Variants in PLCD1 observed in about 807,000 individuals in gnomAD.
The protein encoded by PLCD1 is 1-phosphatidylinositol 4,5-bisphosphate phosphodiesterase delta-1.
Under a neutral mutation model 87.4 loss-of-function variants are expected in PLCD1, and 71 were observed. That is an observed-to-expected ratio of 0.81 (90% CI 0.67 to 0.99). The LOEUF (loss-of-function observed/expected upper bound fraction) is 0.99. Ranked by LOEUF, PLCD1 falls within the 50% of genes least tolerant of loss-of-function variation. PLCD1 has a pLI of 0.00. For synonymous variants in PLCD1, 348 were observed against 399.2 expected (o/e 0.87, Z 1.53); for missense variants, 867 against 1,001.5 (o/e 0.87, Z 1.81).
chr3:38,007,638 C>CACT lies in PLCD1; in HGVS notation c.*132_*134dup, dbSNP rs1699980384. On this transcript the variant is annotated 3_prime_UTR_variant, in exon 15 of 15. Transcript: ENST00000334661. ...TGGTCCCCAGGGAGGCAGCAGCAGA[C>CACT]ACTATGTTAGGGCTGAAGGCAATTT... The CACT allele has an allele frequency of 1.4e-6, 1 of 734,138 alleles. No homozygotes were observed. The highest frequency in any genetic ancestry group is 1.7e-5 in the African/African-American group (1 of 57,770). The allele number at this position is 734,138 out of a possible 1,614,324, so 45.5% of individuals were successfully genotyped here.
At chr3:38,012,516 GT>G (rs1207854387) in intron 3 of PLCD1, among the ~76,000 whole-genome samples, 3,602 of 134,584 alleles carry the variant, frequency 0.027, 38 homozygotes, top group African/African-American at 0.055. Context: ...TTAGAATGAA[GT>G]TTTTTTTTTT....
At chr3:38,012,122 G>T (rs1338554148) in intron 3 of PLCD1, among the ~76,000 whole-genome samples, 1 of 146,038 alleles carries the variant, frequency 6.8e-6, no homozygotes, top group Non-Finnish European at 1.5e-5. Flanking sequence ...AGACCTCTCA[G>T]GCTCAAGTGA....
At chr3:38,029,435 C>T in intron 1 of PLCD1, 71 bp downstream of exon 1, 1 of 1,394,360 alleles carries the variant, frequency 7.2e-7, no homozygotes, top group East Asian at 2.5e-5. Flanking sequence ...GGCTCCCTGT[C>T]CAGGGCCCGG....
intron 1 of PLCD1, 64 bp downstream of exon 1, chr3:38,029,442 C>T (rs939651972): frequency 6.9e-7 from 1 of 1,447,212 alleles, no homozygotes; most frequent in Non-Finnish European, 9.4e-7. Flanking sequence ...TGTCCAGGGC[C>T]CGGAACAGCT....
intron 1 of PLCD1, among the ~76,000 whole-genome samples, chr3:38,023,011 A>G (rs377482260): frequency 1.5e-4 from 23 of 152,060 alleles, no homozygotes; most frequent in African/African-American, 5.3e-4. Flanking sequence ...CGTGGCGAGG[A>G]GACTTTGAGC....
chr3:38,014,639 C>A (rs1184855876), intron 3 of PLCD1: 1 of 153,570 alleles, frequency 6.5e-6, no homozygotes, highest in Non-Finnish European at 1.5e-5. Flanking sequence ...GTTCCTTCTC[C>A]ACTCTCACTG....
chr3:38,012,025 CCTTTT>C (rs1300631268), intron 3 of PLCD1, among the ~76,000 whole-genome samples: 1 of 141,444 alleles, frequency 7.1e-6, no homozygotes, highest in Admixed American at 6.8e-5. Flanking sequence ...TTCTGGTTTT[CCTTTT>C]CTTTTTTTTT....
rs766195147 is a variant in PLCD1 at position 38,016,578 on chromosome 3, G to A, written c.341C>T (p.Ser114Leu). Residue 114 changes from serine to leucine, a missense_variant, in exon 3 of 15, where the codon TCG (serine) becomes TTG (leucine). Physicochemically the swap from Ser to Leu is moderately radical, Grantham distance 145 (BLOSUM62 -2). Transcript: ENST00000334661. ...CACCCAGTGCTGGGCATCAGCTGGC[G>A]ATGGGGCGATGAGGTCTAGTGTATT... ...QRNTLDLIAP[S>L]PADAQHWVLG... The A allele has an allele frequency of 4.7e-5, 76 of 1,613,852 alleles. No homozygotes were observed. The Admixed American group carries it at 1.2e-3, about 24-fold the overall frequency.
Position 38,010,001 on chromosome 3 carries a change from T to C in PLCD1, c.1190A>G (p.Gln397Arg). 6.2e-7 allele frequency: 1 copy of C among 1,614,124 alleles called. No homozygotes were observed. The highest frequency in any genetic ancestry group is 8.5e-7 in the Non-Finnish European group (1 of 1,179,968). The change falls in exon 8 of 15, where the codon CAG (glutamine) becomes CGG (arginine). Residue 397 changes from glutamine to arginine, a missense_variant. Physicochemically the swap from Gln to Arg is conservative, Grantham distance 43 (BLOSUM62 1). Coordinates refer to ENST00000334661, the MANE Select transcript of PLCD1 (RefSeq NM_006225.4). ...CAGGTGCCGCGCCATCACGCGCTGC[T>C]GCTCCAGTGTGCAGTGGTTCTCCAG... ...LSLENHCTLE[Q>R]QRVMARHLHA... is the part of the protein sequence containing the mutation.
chr3:38,024,326 G>C (rs1226055681), intron 1 of PLCD1: 1 of 1,610,900 alleles, frequency 6.2e-7, no homozygotes, highest in Non-Finnish European at 8.5e-7. Context: ...GGAGTGCTCT[G>C]CGCCCCTTAC....
chr3:38,029,552 G>GCGCGGCGGGAGGGGCAC lies in PLCD1; in HGVS notation c.-30_-14dup, dbSNP rs1186955624. 3.3e-6 allele frequency: 5 copies of GCGCGGCGGGAGGGGCAC among 1,536,874 alleles called. No homozygotes were observed. In the East Asian group the frequency reaches 9.8e-5, roughly 30 times the overall value. ...GGCCCGAGTCCATGCCCGACGGGCG[G>GCGCGGCGGGAGGGGCAC]CGCGGCGGGAGGGGCACCGCGGGAC... On this transcript the variant is annotated 5_prime_UTR_variant, in exon 1 of 15. Transcript: ENST00000334661.
chr3:38,008,013 C>T lies in PLCD1; in HGVS notation c.2185+1G>A. The T allele has an allele frequency of 6.2e-7, 1 of 1,614,214 alleles. No individual in the cohort carries two copies. The highest frequency in any genetic ancestry group is 8.5e-7 in the Non-Finnish European group (1 of 1,180,036). ...GGCCATCCCCTTCTCTTGACACTCA[C>T]CTTGCTTGAGGCTGTTCAAGGGGAT... On this transcript the variant is annotated splice_donor_variant, in intron 14 of 14. Transcript: ENST00000334661. LOFTEE classifies it high-confidence loss of function.
intron 1 of PLCD1, among the ~76,000 whole-genome samples, chr3:38,028,696 C>G (rs1280991344): frequency 1.3e-5 from 2 of 152,210 alleles, no homozygotes; most frequent in Non-Finnish European, 2.9e-5. Context: ...GAGTGAGTGC[C>G]TGTCCTGGAG....
rs1700187544 is a variant in PLCD1 at position 38,018,376 on chromosome 3, C to G, written c.200-1657G>C. ...CCCTGACCCTGGACCTGGCTCCCTG[C>G]AGCCCCTCCTCCTGGCAGGACGCAG... On this transcript the variant is annotated intron_variant, in intron 2 of 14. Coordinates refer to ENST00000334661, the MANE Select transcript of PLCD1 (RefSeq NM_006225.4). This position sits in a 1 kb window ranked among gnomAD's most constrained non-coding sequence, Gnocchi z 5.7. Among the ~76,000 whole-genome samples, 1 of 152,128 alleles carries G rather than the reference C, an allele frequency of 6.6e-6. No individual in the cohort carries two copies. Among genetic ancestry groups the G allele is most frequent in the South Asian group, 2.1e-4 (1 of 4,830 alleles).
Position 38,020,315 on chromosome 3 carries a change from C to T in PLCD1, c.72G>A (p.Lys24=), listed in dbSNP as rs1430040910. 4 of 1,614,086 alleles carry T rather than the reference C, an allele frequency of 2.5e-6. No homozygotes were observed. The East Asian group carries it at 8.9e-5, about 36-fold the overall frequency. Residue 24 remains lysine, a synonymous_variant, in exon 2 of 15, where the codon AAG becomes AAA. Transcript: ENST00000334661. Reference sequence around the variant, plus strand: ...ACTTCACCTTCAGGAGCTGGCTGCCCTTCAGCAGCGCCTGTAGATCCTCAT... The same window carrying T: ...ACTTCACCTTCAGGAGCTGGCTGCCTTTCAGCAGCGCCTGTAGATCCTCAT... ...QDDEDLQALL[K]GSQLLKVKSS...
At chr3:38,009,530 G>C in intron 9 of PLCD1, 99 bp from the exon 10 acceptor site, 4 of 1,557,126 alleles carry the variant, frequency 2.6e-6, no homozygotes. Context: ...GAGGGAGACA[G>C]ACAGAGAGAG....
Position 38,010,349 on chromosome 3 carries a change from C to T in PLCD1, c.992+12G>A, listed in dbSNP as rs1419961251. 1 of 1,614,178 alleles carries T rather than the reference C, an allele frequency of 6.2e-7. No individual in the cohort carries two copies. Among genetic ancestry groups the T allele is most frequent in the Admixed American group, 1.7e-5 (1 of 60,030 alleles). On this transcript the variant is annotated intron_variant, in intron 6 of 14. Coordinates refer to ENST00000334661, the MANE Select transcript of PLCD1 (RefSeq NM_006225.4). ...CACCCAGACTCCCGACCCAAGGCTCCCTGAGCAGCACCGGATGTAGGCTTC... is the reference window on the plus strand; with the variant it reads ...CACCCAGACTCCCGACCCAAGGCTCTCTGAGCAGCACCGGATGTAGGCTTC...
intron 2 of PLCD1, among the ~76,000 whole-genome samples, chr3:38,019,837 A>G (rs564194388): frequency 6.6e-6 from 1 of 152,230 alleles, no homozygotes; most frequent in East Asian, 1.9e-4. Context: ...GCCACCGTCC[A>G]ACTCCCTCCC....
rs765096918 is a variant in PLCD1, at chr3:38,010,493, A to C, written c.860T>G (p.Phe287Cys). ...MYLLSADGSA[F>C]SLAHRRVYQD... ...GTAGACACGGCGGTGTGCCAGGCTG[A>C]AGGCGCTGCCGTCAGCCGACAGTAA... Residue 287 changes from phenylalanine (F) to cysteine (C), a missense_variant, in exon 6 of 15, where the codon TTC (phenylalanine) becomes TGC (cysteine). Phe to Cys is a radical substitution (Grantham distance 205). Transcript: ENST00000334661. The C allele has an allele frequency of 1.2e-6, 2 of 1,613,988 alleles. No individual in the cohort carries two copies. Among genetic ancestry groups the C allele is most frequent in the East Asian group, 4.5e-5 (2 of 44,878 alleles).
Sources: allele counts gnomAD v4.1 joint callset (sites outside exome capture counted in the v4.1 genomes callset), GRCh38; gene constraint gnomAD v4.1.1; non-coding constraint Gnocchi (gnomAD v3.1); transcripts MANE v1.5; gene names NCBI Gene and HGNC (gene_info 2026-07-23, HGNC 2026-07-21).